Variants in CADPS observed in about 807,000 individuals in gnomAD.
The protein encoded by CADPS is calcium dependent secretion activator.
Under a neutral mutation model 167.3 loss-of-function variants are expected in CADPS, and 57 were observed. That is an observed-to-expected ratio of 0.34 (90% confidence interval 0.28 to 0.42). The LOEUF (loss-of-function observed/expected upper bound fraction) is 0.42. CADPS is among the 20% of genes least tolerant of loss of function. The pLI is 1.00. For synonymous variants in CADPS, 676 were observed against 635.3 expected (o/e 1.06, Z -0.96); for missense variants, 1,414 against 1,738.1 (o/e 0.81, Z 3.32).
chr3:62,401,782 AC>A (rs1360644506), intron 29 of CADPS, among the ~76,000 whole-genome samples: 2 of 150,720 alleles, frequency 1.3e-5, no homozygotes, highest in African/African-American at 2.4e-5. Context: ...CTCCCCTCTG[AC>A]TTATATTTTT....
At chr3:62,429,736 A>G (rs1379682945) in intron 28 of CADPS, among the ~76,000 whole-genome samples, 1 of 152,090 alleles carries the variant, frequency 6.6e-6, no homozygotes, top group East Asian at 1.9e-4. Context: ...GTTCTAAGAC[A>G]CAGAAGTATT....
intron 24 of CADPS, among the ~76,000 whole-genome samples, chr3:62,471,205 C>G (rs1388031931): frequency 6.6e-6 from 1 of 152,144 alleles, no homozygotes; most frequent in African/African-American, 2.4e-5. Context: ...AACCAAAAGG[C>G]AACTTATTCT....
intron 21 of CADPS, 32 bp from the exon 22 acceptor site, chr3:62,481,901 C>T: frequency 6.3e-7 from 1 of 1,597,946 alleles, no homozygotes; most frequent in Non-Finnish European, 8.5e-7. Context: ...AGAAAAAATA[C>T]CATCACAGTG....
intron 6 of CADPS, among the ~76,000 whole-genome samples, chr3:62,614,333 G>C (rs1430497069): frequency 6.6e-6 from 1 of 152,134 alleles, no homozygotes; most frequent in Non-Finnish European, 1.5e-5. Flanking sequence ...CCCATCTTAT[G>C]TTCAAGTCCC....
At chr3:62,627,654 T>C (rs1339432901) in intron 6 of CADPS, among the ~76,000 whole-genome samples, 1 of 152,060 alleles carries the variant, frequency 6.6e-6, no homozygotes, top group Non-Finnish European at 1.5e-5. Flanking sequence ...AAAAAATGTA[T>C]ATATCCACAT....
chr3:62,599,640 A>G (rs2059440442), intron 6 of CADPS, among the ~76,000 whole-genome samples: 1 of 4,714 alleles, frequency 2.1e-4, no homozygotes, highest in Non-Finnish European at 7.7e-4. Context: ...TAATAAATAT[A>G]ATATATAATA....
chr3:62,470,158 CTA>C (rs1044819442), intron 24 of CADPS, among the ~76,000 whole-genome samples: 1 of 152,144 alleles, frequency 6.6e-6, no homozygotes, highest in African/African-American at 2.4e-5. Context: ...AGATGGAAAA[CTA>C]TGCTTAACAA....
At chr3:62,629,757 G>GTTTTTT (rs55956118) in intron 6 of CADPS, among the ~76,000 whole-genome samples, 15 of 145,726 alleles carry the variant, frequency 1.0e-4, no homozygotes, top group East Asian at 2.0e-4. Flanking sequence ...CTCTGGTACA[G>GTTTTTT]TTTTTTTTTT....
chr3:62,420,371 A>G lies in CADPS; in HGVS notation c.3778-17186T>C, dbSNP rs1213185451. ...CATAAGGGAAGAACATGATCTTTTT[A>G]GGAGCTGGATATGGCATTGAGTGGT... is the stretch of plus-strand genomic sequence containing the variant. On this transcript the variant is annotated intron_variant, in intron 28 of 29. Transcript: ENST00000383710. This position sits in a 1 kb window ranked among gnomAD's most constrained non-coding sequence, Gnocchi z 4.1. Among the ~76,000 whole-genome samples the G allele has an allele frequency of 6.6e-6, 1 of 152,226 alleles. No homozygotes were observed. Among genetic ancestry groups the G allele is most frequent in the African/African-American group, 2.4e-5 (1 of 41,470 alleles).
At position 62,662,196 on chromosome 3, in the gene CADPS, C is replaced by A; in HGVS notation, c.969+118G>T. On this transcript the variant is annotated intron_variant, in intron 4 of 29. Transcript: ENST00000383710. ...TGAGGGCCCAATGAGGGTGATTGTC[C>A]TCATCTTCCCTCCTCTCTGCTTCTC... 3.4e-6 allele frequency: 3 copies of A among 880,494 alleles called. No homozygotes were observed. The Admixed American group carries it at 5.6e-5, about 17-fold the overall frequency. The allele number at this position is 880,494 out of a possible 1,614,324, so 54.5% of individuals were successfully genotyped here.
At chr3:62,695,113 T>C (rs561073280) in intron 3 of CADPS, among the ~76,000 whole-genome samples, 1 of 152,176 alleles carries the variant, frequency 6.6e-6, no homozygotes, top group African/African-American at 2.4e-5. Context: ...GTTTAGTCTT[T>C]AGATAACAGA....
chr3:62,761,038 G>T (rs2085277280), intron 2 of CADPS, among the ~76,000 whole-genome samples: 1 of 152,108 alleles, frequency 6.6e-6, no homozygotes, highest in Non-Finnish European at 1.5e-5. Context: ...ATTCCGAGTG[G>T]GTTGGCATGA....
At chr3:62,829,912 C>G (rs1203918494) in intron 1 of CADPS, among the ~76,000 whole-genome samples, 3 of 152,170 alleles carry the variant, frequency 2.0e-5, no homozygotes, top group African/African-American at 7.2e-5. Context: ...CATTCAGGAC[C>G]TATCCCTGAC....
chr3:62,753,891 GGTCTCACCCT>G lies in CADPS; in HGVS notation c.556-128_556-119del, dbSNP rs199754012. On this transcript the variant is annotated intron_variant, in intron 2 of 29. Transcript: ENST00000383710. This position sits in a 1 kb window ranked among gnomAD's most constrained non-coding sequence, Gnocchi z 4.6. ...GTGCATCCCAGGAGGAACCACTGTG[GGTCTCACCCT>G]GCCCCACCACCTCCTGGCTGTGCAA... 1,285 of 922,758 alleles carry G rather than the reference GGTCTCACCCT, an allele frequency of 1.4e-3. 18 individuals carry two copies. In the African/African-American group the frequency reaches 0.02, roughly 14 times the overall value. The allele number at this position is 922,758 out of a possible 1,614,324, so 57.2% of individuals were successfully genotyped here.
chr3:62,852,460 C>T (rs555963433), intron 1 of CADPS, among the ~76,000 whole-genome samples: 7 of 152,206 alleles, frequency 4.6e-5, no homozygotes, highest in South Asian at 2.1e-4. Context: ...CTTTTGCATC[C>T]GTCTCTTCTT....
chr3:62,434,032 T>A (rs2054496656), intron 28 of CADPS, among the ~76,000 whole-genome samples: 1 of 152,220 alleles, frequency 6.6e-6, no homozygotes, highest in Non-Finnish European at 1.5e-5. Flanking sequence ...ATGTTTTATA[T>A]TTTCTTTGAA....
At chr3:62,422,403 C>G (rs1234689018) in intron 28 of CADPS, among the ~76,000 whole-genome samples, 1 of 152,240 alleles carries the variant, frequency 6.6e-6, no homozygotes, top group Non-Finnish European at 1.5e-5. Flanking sequence ...AGTTGGCTAA[C>G]AGCTGACGAT....
chr3:62,417,821 A>G (rs2050450116), intron 28 of CADPS, among the ~76,000 whole-genome samples: 1 of 150,688 alleles, frequency 6.6e-6, no homozygotes, highest in Non-Finnish European at 1.5e-5. Context: ...TGACGAAGTG[A>G]AACTGTCTCT....
At chr3:62,839,224 T>C (rs1035538268) in intron 1 of CADPS, among the ~76,000 whole-genome samples, 5 of 152,070 alleles carry the variant, frequency 3.3e-5, no homozygotes, top group African/African-American at 1.2e-4. Context: ...AGACAGAGTC[T>C]TGCTCGGTCA....
Sources: gnomAD v4.1 joint callset for allele counts (sites outside exome capture counted in the v4.1 genomes callset) on GRCh38, gnomAD v4.1.1 for gene constraint, Gnocchi (gnomAD v3.1) non-coding constraint, MANE v1.5 for transcripts, NCBI Gene and HGNC (gene_info 2026-07-23, HGNC 2026-07-21) for gene names.